The following KCNH8 variants were observed in gnomAD, a reference collection of about 807,000 sequenced individuals.
The protein encoded by KCNH8 is potassium voltage-gated channel subfamily H member 8.
A neutral mutation model predicts 103.6 loss-of-function variants in KCNH8; 70 were observed. The observed-to-expected ratio is 0.68, with a 90% CI of 0.56 to 0.82. KCNH8 has a LOEUF of 0.82. Ranked by LOEUF, KCNH8 falls within the 40% of genes least tolerant of loss-of-function variation. KCNH8 has a pLI of 0.00. For synonymous variants in KCNH8, 498 were observed against 489.4 expected (o/e 1.02, Z -0.23); for missense variants, 1,217 against 1,329.9 (o/e 0.92, Z 1.32).
At chr3:19,242,348 C>T (rs2064153347) in intron 1 of KCNH8, among the ~76,000 whole-genome samples, 1 of 152,022 alleles carries the variant, frequency 6.6e-6, no homozygotes, top group South Asian at 2.1e-4. Context: ...CACTAGGGTA[C>T]TGGTGCAGAG....
intron 1 of KCNH8, among the ~76,000 whole-genome samples, chr3:19,245,366 T>C (rs2064191292): frequency 6.6e-6 from 1 of 152,240 alleles, no homozygotes; most frequent in Admixed American, 6.5e-5. Flanking sequence ...TATAGCCTTA[T>C]AGCATACTTT....
intron 7 of KCNH8, among the ~76,000 whole-genome samples, chr3:19,425,837 G>A (rs2067020510): frequency 6.6e-6 from 1 of 152,314 alleles, no homozygotes; most frequent in African/African-American, 2.4e-5. Context: ...AGGAAGTGGT[G>A]TCATATGACC....
intron 11 of KCNH8, among the ~76,000 whole-genome samples, chr3:19,474,355 G>A (rs778746850): frequency 6.6e-6 from 1 of 152,160 alleles, no homozygotes; most frequent in Non-Finnish European, 1.5e-5. Flanking sequence ...GGCAGATCTG[G>A]AGGCCTCCAG....
rs1227939258 is a variant in KCNH8 at position 19,358,688 on chromosome 3, A to G, written c.811+10723A>G. On this transcript the variant is annotated intron_variant, in intron 5 of 15. Coordinates refer to ENST00000328405, the MANE Select transcript of KCNH8 (RefSeq NM_144633.3). ...TATATTAAGGTGTTTTATGTTTTTT[A>G]AATACATAGAAACCAAAATTCTAAA... Among the ~76,000 whole-genome samples the G allele has an allele frequency of 3.3e-5, 5 of 151,974 alleles. 1 individual carries two copies. The East Asian group carries it at 7.7e-4, about 23-fold the overall frequency.
chr3:19,457,139 G>A (rs147073512), intron 11 of KCNH8, among the ~76,000 whole-genome samples, 157 bp downstream of exon 11: 20 of 152,044 alleles, frequency 1.3e-4, no homozygotes, highest in Admixed American at 5.9e-4. Context: ...AATAATTAGC[G>A]AGAAGCCAAA....
Position 19,450,302 on chromosome 3 carries a change from T to G in KCNH8, c.1572T>G (p.Asn524Lys). ...CAGTCAACAATGGAATAGATTCAAA[T>G]GAGGTAATGTTCATTTCTCATGTTG... The part of the protein sequence containing the change: ...TWSVNNGIDS[N>K]ELLKDFPDEL... Residue 524 changes from asparagine (N) to lysine (K), a missense_variant, in exon 9 of 16, where the codon AAT (asparagine) becomes AAG (lysine). Asn to Lys is a moderately conservative substitution (Grantham distance 94). Around this residue, in one of 3 missense-constraint regions of KCNH8, gnomAD observed 415 missense variants for 577.4 expected, o/e 0.72. Transcript: ENST00000328405. 5 of 1,609,386 alleles carry G rather than the reference T, an allele frequency of 3.1e-6. No individual in the cohort carries two copies. The highest frequency in any genetic ancestry group is 4.3e-6 in the Non-Finnish European group (5 of 1,175,802).
chr3:19,428,417 G>GT (rs765938973), intron 7 of KCNH8, among the ~76,000 whole-genome samples: 20 of 152,108 alleles, frequency 1.3e-4, no homozygotes, highest in Admixed American at 2.0e-4. Context: ...TGATGCAATT[G>GT]TGTACATTAT....
At chr3:19,419,342 G>A (rs1274667095) in intron 7 of KCNH8, among the ~76,000 whole-genome samples, 3 of 151,568 alleles carry the variant, frequency 2.0e-5, no homozygotes, top group Non-Finnish European at 2.9e-5. Context: ...TGGGACTACA[G>A]GCGCCCGCCA....
intron 1 of KCNH8, among the ~76,000 whole-genome samples, chr3:19,182,229 T>G (rs2063460320): frequency 6.6e-6 from 1 of 152,128 alleles, no homozygotes; most frequent in South Asian, 2.1e-4. Context: ...TTAGCAAATC[T>G]TATTAAAGAA....
chr3:19,295,318 A>G (rs1041158610), intron 3 of KCNH8, among the ~76,000 whole-genome samples: 34 of 152,056 alleles, frequency 2.2e-4, no homozygotes, highest in Non-Finnish European at 3.7e-4. Context: ...CAGGAGGTGG[A>G]GGCTGCAGTG....
At chr3:19,520,433 G>C (rs2068952194) in intron 15 of KCNH8, among the ~76,000 whole-genome samples, 1 of 151,836 alleles carries the variant, frequency 6.6e-6, no homozygotes, top group Non-Finnish European at 1.5e-5. Context: ...TTGACCCTTT[G>C]GATAGTGCAT....
intron 13 of KCNH8, 129 bp downstream of exon 13, chr3:19,513,454 AGTTTTGTG>A: frequency 3.8e-6 from 5 of 1,319,176 alleles, no homozygotes; most frequent in Non-Finnish European, 5.1e-6. Context: ...AGCTTTTCTG[AGTTTTGTG>A]GGCAATTTTT....
chr3:19,230,676 A>G (rs1193583060), intron 1 of KCNH8, among the ~76,000 whole-genome samples: 6 of 151,080 alleles, frequency 4.0e-5, no homozygotes, highest in Admixed American at 6.6e-5. Context: ...GTAACTCTTT[A>G]TGTACTGTAA....
At chr3:19,522,209 A>G (rs1445048416) in intron 15 of KCNH8, among the ~76,000 whole-genome samples, 1 of 151,922 alleles carries the variant, frequency 6.6e-6, no homozygotes, top group Admixed American at 6.6e-5. Context: ...AGCAACTTGT[A>G]TTAATTGATT....
At chr3:19,151,161 C>A (rs1250056132) in intron 1 of KCNH8, among the ~76,000 whole-genome samples, 1 of 151,978 alleles carries the variant, frequency 6.6e-6, no homozygotes, top group African/African-American at 2.4e-5. Flanking sequence ...TCTTCTTATG[C>A]CATTGTTTCT....
intron 5 of KCNH8, among the ~76,000 whole-genome samples, chr3:19,383,825 C>G (rs1024922118): frequency 6.6e-6 from 1 of 152,034 alleles, no homozygotes; most frequent in African/African-American, 2.4e-5. Context: ...AACTTGGAAA[C>G]TTTACCACCT....
intron 1 of KCNH8, among the ~76,000 whole-genome samples, chr3:19,232,541 C>T (rs942558056): frequency 3.3e-5 from 5 of 152,178 alleles, no homozygotes; most frequent in Non-Finnish European, 7.3e-5. Flanking sequence ...CTATAGGATG[C>T]TTTTGTAAAA....
intron 5 of KCNH8, among the ~76,000 whole-genome samples, chr3:19,387,355 G>T (rs2066370737): frequency 6.6e-6 from 1 of 152,248 alleles, no homozygotes; most frequent in Admixed American, 6.5e-5. Context: ...GGGATTGAAT[G>T]TCAGAAAACA....
chr3:19,228,795 G>A (rs538289257), intron 1 of KCNH8, among the ~76,000 whole-genome samples: 16 of 152,310 alleles, frequency 1.1e-4, no homozygotes, highest in African/African-American at 3.8e-4. Flanking sequence ...CATGCTTAAT[G>A]GTTTAGCTAA....
Sources: allele counts gnomAD v4.1 joint callset (sites outside exome capture counted in the v4.1 genomes callset), GRCh38; gene constraint gnomAD v4.1.1; regional missense constraint gnomAD v4.1.1; transcripts MANE v1.5; gene names NCBI Gene and HGNC (gene_info 2026-07-23, HGNC 2026-07-21).